The following BBOX1 variants were observed in gnomAD, a reference collection of about 807,000 sequenced individuals.
BBOX1 encodes gamma-butyrobetaine dioxygenase.
BBOX1 carries 35 observed loss-of-function variants against 41.6 expected under a neutral mutation model. That is an observed-to-expected ratio of 0.84 (90% CI 0.64 to 1.11). The LOEUF (loss-of-function observed/expected upper bound fraction) is 1.11. BBOX1 is among the 50% of genes most tolerant of loss of function. The pLI is 0.00. For missense variants in BBOX1, 458 were observed against 460.6 expected (o/e 0.99, Z 0.05); for synonymous variants, 163 against 154.7 (o/e 1.05, Z -0.40).
chr11:27,086,798 A>G (rs1487291324), intron 4 of BBOX1, among the ~76,000 whole-genome samples: 1 of 152,134 alleles, frequency 6.6e-6, no homozygotes, highest in Non-Finnish European at 1.5e-5. Flanking sequence ...ACCATTCTAG[A>G]TGCTATTATG....
At chr11:27,074,437 G>A (rs1042177186) in intron 4 of BBOX1, among the ~76,000 whole-genome samples, 3 of 152,098 alleles carry the variant, frequency 2.0e-5, no homozygotes, top group African/African-American at 7.2e-5. Context: ...CTAGAGGCTT[G>A]TTGAATGGTT....
intron 2 of BBOX1, among the ~76,000 whole-genome samples, chr11:27,054,246 T>C (rs1856909224): frequency 6.7e-6 from 1 of 150,224 alleles, no homozygotes; most frequent in East Asian, 2.0e-4. Flanking sequence ...CGTGCACATG[T>C]GTACATGCAT....
At chr11:27,060,964 T>C (rs547271257) in intron 4 of BBOX1, among the ~76,000 whole-genome samples, 1 of 152,322 alleles carries the variant, frequency 6.6e-6, no homozygotes, top group African/African-American at 2.4e-5. Context: ...TTACATAATT[T>C]AGTACCGATT....
At chr11:27,065,419 C>T (rs1857252341) in intron 4 of BBOX1, among the ~76,000 whole-genome samples, 1 of 152,130 alleles carries the variant, frequency 6.6e-6, no homozygotes, top group Non-Finnish European at 1.5e-5. Context: ...TTCTGCACTG[C>T]ACTTGGTAAA....
intron 4 of BBOX1, among the ~76,000 whole-genome samples, chr11:27,080,698 C>T (rs1857806084): frequency 6.6e-6 from 1 of 152,082 alleles, no homozygotes; most frequent in Non-Finnish European, 1.5e-5. Context: ...TCTTCTGAGT[C>T]CTTCTGTCTT....
At chr11:27,067,772 A>T (rs1475221217) in intron 4 of BBOX1, among the ~76,000 whole-genome samples, 4 of 152,000 alleles carry the variant, frequency 2.6e-5, no homozygotes, top group African/African-American at 9.7e-5. Context: ...AAAATAAAAT[A>T]AAATAAAAAT....
rs747028479 is a variant in BBOX1 at position 27,115,573 on chromosome 11, C to T, written c.639+16C>T. On this transcript the variant is annotated intron_variant, in intron 6 of 8. Coordinates refer to ENST00000263182, the MANE Select transcript of BBOX1 (RefSeq NM_003986.3). ...TCCACCTGGGGTAAGTGAGCTTCAA[C>T]ATATTTTCCACAAAGCATGATGATG... The T allele has an allele frequency of 1.1e-5, 17 of 1,587,200 alleles. No individual in the cohort carries two copies. In the East Asian group the frequency reaches 3.8e-4, roughly 36 times the overall value.
chr11:27,115,373 C>T, intron 5 of BBOX1, 79 bp from the exon 6 acceptor site: 1 of 1,129,172 alleles, frequency 8.9e-7, no homozygotes, highest in South Asian at 1.6e-5. Context: ...CATTTCTCCC[C>T]ACATATCAAA....
In BBOX1 at chr11:27,091,267, T is replaced by A. The variant is rs1858233024; in HGVS notation, c.335-1901T>A. 2.0e-5 allele frequency among the ~76,000 whole-genome samples: 3 copies of A among 152,078 alleles called. 1 individual carries two copies. The highest frequency in any genetic ancestry group is 7.2e-5 in the African/African-American group (3 of 41,528). On this transcript the variant is annotated intron_variant, in intron 4 of 8. Transcript: ENST00000263182. The stretch of plus-strand genomic sequence containing the variant: ...AACTATAGCAGTGATTATATTTTGT[T>A]TTAATTGCCACCTTCCATGTCAAAT...
intron 4 of BBOX1, among the ~76,000 whole-genome samples, chr11:27,063,811 C>T (rs2133977735): frequency 6.6e-6 from 1 of 152,262 alleles, no homozygotes; most frequent in East Asian, 1.9e-4. Context: ...AGTGAAAACT[C>T]ACAAATAACT....
At chr11:27,069,599 A>G (rs1857383767) in intron 4 of BBOX1, among the ~76,000 whole-genome samples, 1 of 152,082 alleles carries the variant, frequency 6.6e-6, no homozygotes, top group African/African-American at 2.4e-5. Flanking sequence ...TATGACTTGC[A>G]GTACTATGTT....
intron 4 of BBOX1, among the ~76,000 whole-genome samples, chr11:27,081,864 G>A (rs911264921): frequency 1.3e-5 from 2 of 152,164 alleles, no homozygotes; most frequent in Admixed American, 1.3e-4. Flanking sequence ...CCTTTGAGAA[G>A]TGTCTGTTCA....
rs190025207 is a variant in BBOX1 at position 27,108,541 on chromosome 11, T to G, written c.534-6911T>G. On this transcript the variant is annotated intron_variant, in intron 5 of 8. Coordinates refer to ENST00000263182, the MANE Select transcript of BBOX1 (RefSeq NM_003986.3). ...TCGTCTGGATCCATATTTTGTATGG[T>G]CTATGGAGTGACATGAACTTCATAG... Among the ~76,000 whole-genome samples, 4 of 152,218 alleles carry G rather than the reference T, an allele frequency of 2.6e-5. No individual in the cohort carries two copies. In the East Asian group the frequency reaches 7.7e-4, roughly 29 times the overall value.
intron 5 of BBOX1, among the ~76,000 whole-genome samples, chr11:27,107,892 T>C (rs945387138): frequency 6.6e-6 from 1 of 152,074 alleles, no homozygotes; most frequent in African/African-American, 2.4e-5. Context: ...TCCTCAACAA[T>C]AAGTAGCAGC....
At chr11:27,055,922 T>C (rs945646084) in intron 3 of BBOX1, among the ~76,000 whole-genome samples, 1 of 152,180 alleles carries the variant, frequency 6.6e-6, no homozygotes, top group Non-Finnish European at 1.5e-5. Context: ...CAAGGCTTGT[T>C]CTGGGATTCC....
chr11:27,122,075 C>T (rs1238424057), intron 7 of BBOX1, among the ~76,000 whole-genome samples: 1 of 152,054 alleles, frequency 6.6e-6, no homozygotes, highest in Non-Finnish European at 1.5e-5. Context: ...TAACAGAGGG[C>T]CTCCATCTCC....
intron 4 of BBOX1, among the ~76,000 whole-genome samples, chr11:27,088,435 C>T (rs1400128002): frequency 6.6e-6 from 1 of 151,992 alleles, no homozygotes; most frequent in East Asian, 1.9e-4. Flanking sequence ...TTCATTTCAC[C>T]AAAGGTGAAT....
At chr11:27,093,027 C>A in intron 4 of BBOX1, 141 bp from the exon 5 acceptor site, 1 of 834,540 alleles carries the variant, frequency 1.2e-6, no homozygotes, top group Non-Finnish European at 1.8e-6. Flanking sequence ...GTGACTTGGG[C>A]ATTTCTAATA....
intron 5 of BBOX1, 143 bp downstream of exon 5, chr11:27,093,509 G>T: frequency 1.1e-6 from 1 of 926,618 alleles, no homozygotes. Context: ...GAGTCTAAAA[G>T]TAGTATTTTG....
Sources: gnomAD v4.1 joint callset for allele counts (sites outside exome capture counted in the v4.1 genomes callset) on GRCh38, gnomAD v4.1.1 for gene constraint, MANE v1.5 for transcripts, NCBI Gene and HGNC (gene_info 2026-07-23, HGNC 2026-07-21) for gene names.